The following MAPK10 variants were observed in gnomAD, a reference collection of about 807,000 sequenced individuals.
MAPK10 encodes the protein JNK3 alpha protein kinase.
A neutral mutation model predicts 59.3 loss-of-function variants in MAPK10; 25 were observed. That is an observed-to-expected ratio of 0.42 (90% CI 0.31 to 0.59). MAPK10 has a LOEUF of 0.59. Among genes scored for constraint, MAPK10 ranks in the 20% least tolerant of loss-of-function variants. MAPK10 has a pLI of 0.15. For synonymous variants in MAPK10, 190 were observed against 200.5 expected, an observed-to-expected ratio of 0.95 and a Z score of 0.44; for missense variants, 351 against 568.9, an observed-to-expected ratio of 0.62 and a Z score of 3.90.
rs1744207087 is a variant in MAPK10, at chr4:86,017,958, T to C, written c.1253-588A>G. On this transcript the variant is annotated intron_variant, in intron 13 of 13. Transcript: ENST00000641462. This position sits in a 1 kb window ranked among gnomAD's most constrained non-coding sequence, Gnocchi z 4.4. ...GAATGGTCTCGATCTCTTGACCTCA[T>C]GATCCGCCCACCTCTGCCTCCCAAA... is the stretch of plus-strand genomic sequence containing the variant. 6.6e-6 allele frequency among the ~76,000 whole-genome samples: 1 copy of C among 152,186 alleles called. No individual in the cohort carries two copies. The highest frequency in any genetic ancestry group is 6.5e-5 in the Admixed American group (1 of 15,272).
In MAPK10 at chr4:86,544,771, A is replaced by G. The variant is rs576176645; in HGVS notation, c.-263+49139T>C. ...TATTGAATATTGAAAGGAAGTTGTTATGATCAGATTGCTTCCTGTGGTGAA... is the reference window on the plus strand; with the variant it reads ...TATTGAATATTGAAAGGAAGTTGTTGTGATCAGATTGCTTCCTGTGGTGAA... On this transcript the variant is annotated intron_variant, in intron 1 of 4. Coordinates refer to the MAPK10 transcript ENST00000502302. Among the ~76,000 whole-genome samples, 3 of 152,368 alleles carry G rather than the reference A, an allele frequency of 2.0e-5. No homozygotes were observed. The South Asian group carries it at 6.2e-4, about 32-fold the overall frequency.
chr4:86,185,008 T>C (rs2077838286), intron 3 of MAPK10, among the ~76,000 whole-genome samples: 2 of 151,804 alleles, frequency 1.3e-5, no homozygotes, highest in Admixed American at 1.3e-4. Context: ...GGAGGAGAAA[T>C]AATGGGAAAG....
intron 4 of MAPK10, among the ~76,000 whole-genome samples, chr4:86,111,210 C>G (rs1472482827): frequency 6.6e-6 from 1 of 152,042 alleles, no homozygotes; most frequent in African/African-American, 2.4e-5. Context: ...ATTTGAATAT[C>G]CTCTATATTT....
intron 2 of MAPK10, among the ~76,000 whole-genome samples, chr4:86,195,272 C>CA (rs1279712451): frequency 6.6e-6 from 1 of 152,102 alleles, no homozygotes; most frequent in African/African-American, 2.4e-5. Flanking sequence ...GCAAAACGCA[C>CA]AATACTGTCA....
At chr4:86,474,802 AT>A (rs1752936463) in intron 1 of MAPK10, among the ~76,000 whole-genome samples, 2 of 152,198 alleles carry the variant, frequency 1.3e-5, no homozygotes, top group Non-Finnish European at 2.9e-5. Flanking sequence ...CTAAGCCATC[AT>A]ATCCCCTGTG....
chr4:86,593,579 CT>C (rs1763267369), intron 1 of MAPK10, among the ~76,000 whole-genome samples: 1 of 152,166 alleles, frequency 6.6e-6, no homozygotes, highest in Non-Finnish European at 1.5e-5. Context: ...AATTTTCAAA[CT>C]TCGGGATTAT....
chr4:86,421,344 A>AGTT (rs1746513600), intron 1 of MAPK10, among the ~76,000 whole-genome samples: 1 of 152,170 alleles, frequency 6.6e-6, no homozygotes. Flanking sequence ...AATAACAATA[A>AGTT]ATTATAAATT....
chr4:86,357,194 A>T (rs910727118), intron 1 of MAPK10: 3 of 152,184 alleles, frequency 2.0e-5, no homozygotes, highest in African/African-American at 7.2e-5. Flanking sequence ...ATTTGAACAC[A>T]CCAATTCCAC....
chr4:86,545,368 A>G (rs1759066091), intron 1 of MAPK10, among the ~76,000 whole-genome samples: 2 of 152,312 alleles, frequency 1.3e-5, no homozygotes, highest in East Asian at 1.9e-4. Context: ...GTAAGACAGA[A>G]TAAAGACGGC....
chr4:86,026,004 G>A (rs1749994528), intron 13 of MAPK10, among the ~76,000 whole-genome samples: 1 of 152,180 alleles, frequency 6.6e-6, no homozygotes, highest in African/African-American at 2.4e-5. Flanking sequence ...TTAATAAAAA[G>A]TAAATAAAAT....
At chr4:86,119,214 T>C (rs2058793173) in intron 4 of MAPK10, among the ~76,000 whole-genome samples, 1 of 152,214 alleles carries the variant, frequency 6.6e-6, no homozygotes, top group African/African-American at 2.4e-5. Context: ...AAAGTAGGCT[T>C]ATCAAAGTTT....
At chr4:86,171,599 T>C (rs574412622) in intron 3 of MAPK10, among the ~76,000 whole-genome samples, 4 of 152,228 alleles carry the variant, frequency 2.6e-5, no homozygotes, top group Admixed American at 6.5e-5. Context: ...AAGACTTAAA[T>C]GTTAGATCTA....
chr4:86,275,658 T>C (rs1256909753), intron 2 of MAPK10, among the ~76,000 whole-genome samples: 1 of 152,030 alleles, frequency 6.6e-6, no homozygotes, highest in Non-Finnish European at 1.5e-5. Context: ...AAACACACAA[T>C]TACTTTTGCT....
chr4:86,409,390 T>C (rs1414125849), intron 1 of MAPK10, among the ~76,000 whole-genome samples: 1 of 152,224 alleles, frequency 6.6e-6, no homozygotes, highest in Non-Finnish European at 1.5e-5. Flanking sequence ...CAGGCTCTTT[T>C]TTTGGTTCCA....
intron 1 of MAPK10, among the ~76,000 whole-genome samples, chr4:86,368,820 CG>C (rs1257241860): frequency 6.6e-6 from 1 of 151,668 alleles, no homozygotes; most frequent in East Asian, 1.9e-4. Flanking sequence ...CAAATGATAA[CG>C]GGGGGAGGGA....
At chr4:86,495,489 CT>C (rs1228914345) in intron 1 of MAPK10, among the ~76,000 whole-genome samples, 1 of 152,114 alleles carries the variant, frequency 6.6e-6, no homozygotes, top group Non-Finnish European at 1.5e-5. Flanking sequence ...AATAGCTTGT[CT>C]TTATAACAAA....
intron 1 of MAPK10, among the ~76,000 whole-genome samples, chr4:86,400,828 T>C (rs188768581): frequency 1.2e-4 from 18 of 152,278 alleles, no homozygotes; most frequent in African/African-American, 4.1e-4. Context: ...TGAGATCTAC[T>C]GATAAAATAT....
chr4:86,535,512 C>T (rs113816288), intron 1 of MAPK10, among the ~76,000 whole-genome samples: 7,130 of 152,224 alleles, frequency 0.047, 221 homozygotes, highest in African/African-American at 0.059. Context: ...CTCAAGTAAT[C>T]ATCTCGCTAA....
At position 86,012,971 on chromosome 4, in the gene MAPK10, T is replaced by C. The variant is rs1027882610; in HGVS notation, c.*4257A>G. On this transcript the variant is annotated 3_prime_UTR_variant, in exon 14 of 14. Transcript: ENST00000641462. ...ACAGGCAGGTGCAAGTTAGGTCTCA[T>C]TGCAAGATGGACATGGCAAGGTGAA... 5.9e-5 allele frequency: 9 copies of C among 152,200 alleles called. No individual in the cohort carries two copies. The highest frequency in any genetic ancestry group is 1.7e-4 in the African/African-American group (7 of 41,450). The allele number at this position is 152,200 out of a possible 1,614,324, so 9.4% of individuals were successfully genotyped here.
Sources: gnomAD v4.1 joint callset for allele counts (sites outside exome capture counted in the v4.1 genomes callset) on GRCh38, gnomAD v4.1.1 for gene constraint, Gnocchi (gnomAD v3.1) non-coding constraint, MANE v1.5 for transcripts, NCBI Gene and HGNC (gene_info 2026-07-23, HGNC 2026-07-21) for gene names.